Variants in AXDND1 observed in about 807,000 individuals in gnomAD.
AXDND1 encodes axonemal dynein light chain domain containing 1.
In AXDND1, 110 loss-of-function variants were observed where a neutral mutation model predicts 137.5. The observed-to-expected ratio is 0.80, with a 90% CI of 0.69 to 0.94. AXDND1 has a LOEUF of 0.94. AXDND1 is among the 40% of genes least tolerant of loss of function. The probability of loss-of-function intolerance (pLI) is 0.00; values close to 1 mark genes in which losing one functional copy is unlikely to be tolerated. For missense variants in AXDND1, 1,191 were observed against 1,169.8 expected (o/e 1.02, Z -0.26); for synonymous variants, 414 against 399.7 (o/e 1.04, Z -0.43).
At chr1:179,466,861 G>A (rs921686671) in intron 16 of AXDND1, among the ~76,000 whole-genome samples, 3 of 152,102 alleles carry the variant, frequency 2.0e-5, no homozygotes, top group Admixed American at 6.6e-5. Context: ...GTGCAGGCAC[G>A]GATCACCTTA....
At chr1:179,423,158 T>A (rs1187617383) in intron 12 of AXDND1, among the ~76,000 whole-genome samples, 1 of 151,888 alleles carries the variant, frequency 6.6e-6, no homozygotes, top group African/African-American at 2.4e-5. Flanking sequence ...AATTGTTATA[T>A]CTTTTTGCTG....
chr1:179,516,524 G>C (rs1374926104), intron 21 of AXDND1, among the ~76,000 whole-genome samples: 1 of 152,168 alleles, frequency 6.6e-6, no homozygotes, highest in Non-Finnish European at 1.5e-5. Flanking sequence ...GGGTGTTAAA[G>C]AGCCTTGTTT....
intron 11 of AXDND1, among the ~76,000 whole-genome samples, chr1:179,396,228 T>TCC (rs1484615376): frequency 6.6e-6 from 1 of 151,536 alleles, no homozygotes; most frequent in Admixed American, 6.6e-5. Context: ...TACATCTATA[T>TCC]CTATGTCTGT....
chr1:179,446,381 CCTAT>C (rs1659730868), intron 16 of AXDND1, among the ~76,000 whole-genome samples: 1 of 152,122 alleles, frequency 6.6e-6, no homozygotes, highest in Admixed American at 6.6e-5. Context: ...TAGAATGAGA[CCTAT>C]CTGAGATATT....
chr1:179,368,884 A>G lies in AXDND1; in HGVS notation c.182A>G (p.Lys61Arg). The G allele has an allele frequency of 1.2e-6, 2 of 1,613,852 alleles. No individual in the cohort carries two copies. Among genetic ancestry groups the G allele is most frequent in the Non-Finnish European group, 1.7e-6 (2 of 1,179,762 alleles). The change falls in exon 3 of 26, where the codon AAA (lysine) becomes AGA (arginine). Residue 61 changes from lysine (K) to arginine (R), a missense_variant. Coordinates refer to ENST00000367618, the MANE Select transcript of AXDND1 (RefSeq NM_144696.6). Reference sequence around the variant, plus strand: ...TCCCTTCAGAATGAGTTCATTCCCAAAGAAGTTCTTCTTTCTCTGACCTAT... The same window carrying G: ...TCCCTTCAGAATGAGTTCATTCCCAGAGAAGTTCTTCTTTCTCTGACCTAT... Reference protein sequence around the residue: ...PTSLQNEFIPKEVLLSLTYAA... With the variant: ...PTSLQNEFIPREVLLSLTYAA...
At chr1:179,545,946 C>T (rs569586289) in intron 25 of AXDND1, 43 of 152,182 alleles carry the variant, frequency 2.8e-4, no homozygotes, top group African/African-American at 9.6e-4. Context: ...CTGGGGGGTT[C>T]AAGGATTTGA....
At chr1:179,497,514 A>G (rs938114361) in intron 20 of AXDND1, among the ~76,000 whole-genome samples, 1 of 152,180 alleles carries the variant, frequency 6.6e-6, no homozygotes, top group Non-Finnish European at 1.5e-5. Context: ...CCTCAAAATA[A>G]TAAGAGCCAT....
chr1:179,528,334 C>T lies in AXDND1; in HGVS notation c.2618C>T (p.Ser873Leu), dbSNP rs1417690552. The change falls in exon 23 of 26, where the codon TCA (serine) becomes TTA (leucine). Residue 873 changes from serine (S) to leucine (L), a missense_variant. Coordinates refer to ENST00000367618, the MANE Select transcript of AXDND1 (RefSeq NM_144696.6). ...ENKERAEEQP[S>L]TSTEKEKLIR... The stretch of plus-strand genomic sequence containing the variant: ...CATGTTTCTGTGTTCTAGCAACCTT[C>T]AACATCTACAGAGAAGGAAAAACTC... 2 of 1,612,690 alleles carry T rather than the reference C, an allele frequency of 1.2e-6. No homozygotes were observed. The highest frequency in any genetic ancestry group is 2.2e-5 in the East Asian group (1 of 44,840).
intron 4 of AXDND1, among the ~76,000 whole-genome samples, chr1:179,372,190 A>G (rs1668100157): frequency 6.6e-6 from 1 of 152,244 alleles, no homozygotes; most frequent in Admixed American, 6.5e-5. Flanking sequence ...GCAGTAAAAT[A>G]TAAAACAGCA....
chr1:179,423,503 C>A (rs1456868584), intron 12 of AXDND1, among the ~76,000 whole-genome samples: 1 of 152,118 alleles, frequency 6.6e-6, no homozygotes, highest in South Asian at 2.1e-4. Context: ...TTTATAACTC[C>A]TCTTTTCCTT....
At chr1:179,483,896 AG>A (rs1472298505) in intron 18 of AXDND1, among the ~76,000 whole-genome samples, 1 of 152,166 alleles carries the variant, frequency 6.6e-6, no homozygotes, top group Non-Finnish European at 1.5e-5. Context: ...TGGATATAGG[AG>A]ACAAGATGGC....
In AXDND1 at chr1:179,368,862, C is replaced by G. The variant is rs1667738422; in HGVS notation, c.160C>G (p.Leu54Val). Residue 54 changes from leucine to valine, a missense_variant, in exon 3 of 26, where the codon CTT becomes GTT. Coordinates refer to ENST00000367618, the MANE Select transcript of AXDND1 (RefSeq NM_144696.6). ...VDRSKLLPTS[L>V]QNEFIPKEVL... ...TCGTTCAAAACTCCTTCCTACTTCC[C>G]TTCAGAATGAGTTCATTCCCAAAGA... The G allele has an allele frequency of 1.2e-6, 2 of 1,613,728 alleles. No homozygotes were observed. The highest frequency in any genetic ancestry group is 1.7e-6 in the Non-Finnish European group (2 of 1,179,676).
At chr1:179,502,453 A>G (rs1015019421) in intron 20 of AXDND1, among the ~76,000 whole-genome samples, 12 of 151,280 alleles carry the variant, frequency 7.9e-5, no homozygotes, top group African/African-American at 9.7e-5. Flanking sequence ...AGTCCCAGCT[A>G]CTGGGGAGGC....
At chr1:179,467,705 T>C (rs1663394448) in intron 16 of AXDND1, among the ~76,000 whole-genome samples, 1 of 152,086 alleles carries the variant, frequency 6.6e-6, no homozygotes, top group Non-Finnish European at 1.5e-5. Context: ...AAGTCAAAAT[T>C]ATGAATGGTG....
chr1:179,433,563 C>G (rs1318263280), intron 15 of AXDND1, among the ~76,000 whole-genome samples: 1 of 152,142 alleles, frequency 6.6e-6, no homozygotes, highest in Non-Finnish European at 1.5e-5. Context: ...GGTGTGTTGT[C>G]TCTTTGTTCT....
chr1:179,522,303 T>C (rs7548654), intron 21 of AXDND1, among the ~76,000 whole-genome samples: 48,334 of 152,054 alleles, frequency 0.32, 8,338 homozygotes, highest in Middle Eastern at 0.43. Flanking sequence ...ATTAAATTGC[T>C]GAAGTCCTAT....
intron 16 of AXDND1, among the ~76,000 whole-genome samples, chr1:179,466,278 T>G (rs1663166546): frequency 8.4e-6 from 1 of 119,442 alleles, no homozygotes; most frequent in African/African-American, 3.8e-5. Context: ...TCTTTCTTCT[T>G]CTTCTTCTTT....
At chr1:179,510,465 A>G (rs1175448511) in intron 21 of AXDND1, among the ~76,000 whole-genome samples, 5 of 151,916 alleles carry the variant, frequency 3.3e-5, no homozygotes, top group Non-Finnish European at 7.4e-5. Context: ...TTTTACATTT[A>G]AACACTGAAG....
intron 3 of AXDND1, 30 bp downstream of exon 3, chr1:179,369,002 G>C: frequency 6.5e-7 from 1 of 1,536,436 alleles, no homozygotes; most frequent in Non-Finnish European, 8.9e-7. Flanking sequence ...GAGTAATGGG[G>C]AACATTATTT....
Sources: allele counts gnomAD v4.1 joint callset (sites outside exome capture counted in the v4.1 genomes callset), GRCh38; gene constraint gnomAD v4.1.1; transcripts MANE v1.5; gene names NCBI Gene and HGNC (gene_info 2026-07-23, HGNC 2026-07-21).